Variants in SCPEP1 observed in about 807,000 individuals in gnomAD.
The protein encoded by SCPEP1 is retinoid-inducible serine carboxypeptidase.
Under a neutral mutation model 63.8 loss-of-function variants are expected in SCPEP1, and 51 were observed. The observed-to-expected ratio is 0.80, with a 90% CI of 0.64 to 1.01. SCPEP1 has a LOEUF of 1.01. SCPEP1 is among the 50% of genes least tolerant of loss of function. The probability of loss-of-function intolerance (pLI) is 0.00; values close to 1 mark genes in which losing one functional copy is unlikely to be tolerated. For missense variants in SCPEP1, 499 were observed against 554.9 expected (o/e 0.90, Z 1.01); for synonymous variants, 204 against 207.8 (o/e 0.98, Z 0.16).
chr17:56,989,675 G>C (rs542789173), intron 5 of SCPEP1, among the ~76,000 whole-genome samples: 3 of 152,074 alleles, frequency 2.0e-5, no homozygotes, highest in Non-Finnish European at 2.9e-5. Flanking sequence ...AGGCGGGCGC[G>C]GTGGCTCATG....
chr17:56,978,283 C>T (rs1435368505), intron 1 of SCPEP1, 48 bp downstream of exon 1: 2 of 1,496,042 alleles, frequency 1.3e-6, no homozygotes, highest in Non-Finnish European at 1.8e-6. Context: ...CTTTTTTCTC[C>T]AGGCGTGAGA....
intron 5 of SCPEP1, 49 bp from the exon 6 acceptor site, chr17:56,991,050 C>G (rs192411617): frequency 2.2e-6 from 3 of 1,342,730 alleles, no homozygotes; most frequent in Non-Finnish European, 3.2e-6. Context: ...GGGATTACTG[C>G]GTGAGCCACT....
chr17:56,998,728 A>G (rs1285115783), intron 10 of SCPEP1, among the ~76,000 whole-genome samples: 2 of 152,120 alleles, frequency 1.3e-5, no homozygotes, highest in Non-Finnish European at 2.9e-5. Flanking sequence ...ACTGTGGGAG[A>G]CTGAGTTGAG....
chr17:56,994,269 A>G (rs1336098447), intron 6 of SCPEP1, among the ~76,000 whole-genome samples: 1 of 152,208 alleles, frequency 6.6e-6, no homozygotes, highest in Non-Finnish European at 1.5e-5. Flanking sequence ...GTGCTTTATA[A>G]GTTGAGGTCC....
chr17:56,987,994 C>T (rs193214097), intron 4 of SCPEP1, 144 bp downstream of exon 4: 12 of 994,850 alleles, frequency 1.2e-5, no homozygotes, highest in Admixed American at 2.9e-5. Context: ...GGGTTGTGGA[C>T]TTTTGTTTCT....
intron 12 of SCPEP1, among the ~76,000 whole-genome samples, chr17:57,004,431 G>A (rs997242625): frequency 4.5e-4 from 68 of 152,260 alleles, no homozygotes; most frequent in Middle Eastern, 3.4e-3. Flanking sequence ...GAGGGAGAGG[G>A]CATTATTTAT....
intron 12 of SCPEP1, among the ~76,000 whole-genome samples, chr17:57,004,511 C>A (rs1319076084): frequency 6.6e-6 from 1 of 152,152 alleles, no homozygotes; most frequent in Non-Finnish European, 1.5e-5. Flanking sequence ...AGAGCAAGCA[C>A]TGTTACAGGT....
intron 6 of SCPEP1, among the ~76,000 whole-genome samples, chr17:56,992,499 G>T (rs1194794654): frequency 1.3e-5 from 2 of 152,132 alleles, no homozygotes; most frequent in Admixed American, 1.3e-4. Context: ...GCAACCCAGA[G>T]GTGTGCTGTT....
intron 1 of SCPEP1, among the ~76,000 whole-genome samples, chr17:56,979,477 T>C (rs142229195): frequency 0.016 from 2,464 of 152,174 alleles, 37 homozygotes; most frequent in Non-Finnish European, 0.019. Flanking sequence ...TCTACTTTTT[T>C]TTTTCCCAGA....
chr17:57,000,118 C>G (rs1172994644), intron 10 of SCPEP1, among the ~76,000 whole-genome samples: 1 of 151,976 alleles, frequency 6.6e-6, no homozygotes, highest in African/African-American at 2.4e-5. Flanking sequence ...CCCCCGCTCT[C>G]CAGCCTGGGT....
At position 56,999,197 on chromosome 17, in the gene SCPEP1, G is replaced by T. The variant is rs111485262; in HGVS notation, c.994+699G>T. Among the ~76,000 whole-genome samples the T allele has an allele frequency of 1.4e-3, 210 of 152,222 alleles. 1 individual carries two copies. The highest frequency in any genetic ancestry group is 4.8e-3 in the African/African-American group (200 of 41,516). ...GTTGCAGATGAGATTTCGCGCCAAA[G>T]GTCCTTGCAGGATGTCAGAGACACC... On this transcript the variant is annotated intron_variant, in intron 10 of 12. Coordinates refer to ENST00000262288, the MANE Select transcript of SCPEP1 (RefSeq NM_021626.3).
rs775715539 is a variant in SCPEP1, at chr17:57,000,879, A to C, written c.1019A>C (p.Asn340Thr). 1 of 1,614,208 alleles carries C rather than the reference A, an allele frequency of 6.2e-7. No individual in the cohort carries two copies. Among genetic ancestry groups the C allele is most frequent in the East Asian group, 2.2e-5 (1 of 44,894 alleles). Residue 340 changes from asparagine (N) to threonine (T), a missense_variant, in exon 11 of 13, where the codon AAC becomes ACC. Transcript: ENST00000262288. Reference protein sequence around the residue: ...WGGQATNVFVNMEEDFMKPVI... With the variant: ...WGGQATNVFVTMEEDFMKPVI... ...GGCCAGGCTACCAACGTCTTTGTGA[A>C]CATGGAGGAGGACTTCATGAAGCCA...
chr17:56,995,417 C>T lies in SCPEP1; in HGVS notation c.658-90C>T, dbSNP rs943021550. ...GTGAGCTCCCGTTCTCCTTCCTTCC[C>T]CTCTTTCTCCTACCCCTCCCTAACT... On this transcript the variant is annotated intron_variant, in intron 7 of 12. Coordinates refer to ENST00000262288, the MANE Select transcript of SCPEP1 (RefSeq NM_021626.3). The T allele has an allele frequency of 8.6e-6, 12 of 1,396,180 alleles. No individual in the cohort carries two copies. The African/African-American group carries it at 1.4e-4, about 17-fold the overall frequency. The allele number at this position is 1,396,180 out of a possible 1,614,324, so 86.5% of individuals were successfully genotyped here.
rs1370817628 is a variant in SCPEP1 at position 57,002,050 on chromosome 17, C to T, written c.1165C>T (p.Pro389Ser). 4 of 1,614,022 alleles carry T rather than the reference C, an allele frequency of 2.5e-6. No homozygotes were observed. Among genetic ancestry groups the T allele is most frequent in the Non-Finnish European group, 3.4e-6 (4 of 1,180,010 alleles). The change falls in exon 12 of 13, where the codon CCA (proline) becomes TCA (serine). Residue 389 changes from proline to serine, a missense_variant. Transcript: ENST00000262288. ...GGCCTGGGTGCGGAAACTGAAGTGGCCAGAACTGCCTAAATTCAGTCAGCT... is the reference window on the plus strand; with the variant it reads ...GGCCTGGGTGCGGAAACTGAAGTGGTCAGAACTGCCTAAATTCAGTCAGCT... ...QEAWVRKLKW[P>S]ELPKFSQLKW...
At chr17:56,980,106 T>G (rs1263307181) in intron 1 of SCPEP1, among the ~76,000 whole-genome samples, 1 of 152,076 alleles carries the variant, frequency 6.6e-6, no homozygotes, top group African/African-American at 2.4e-5. Context: ...TTTTTGTTTG[T>G]TTGGTTGGTT....
intron 2 of SCPEP1, chr17:56,984,760 C>A: frequency 6.5e-6 from 1 of 155,024 alleles, no homozygotes; most frequent in Non-Finnish European, 1.4e-5. Context: ...GTTAGAGCTC[C>A]TTCAGGTCAG....
In SCPEP1 at chr17:57,005,307, C is replaced by T. The variant is rs147492732; in HGVS notation, c.1297-866C>T. ...GAAGGCATGGAACAAGCCAACCACG[C>T]GCTCTGTATACTAGAGTTCAGGCCC... is the stretch of plus-strand genomic sequence containing the variant. On this transcript the variant is annotated intron_variant, in intron 12 of 12. Coordinates refer to ENST00000262288, the MANE Select transcript of SCPEP1 (RefSeq NM_021626.3). 6.6e-5 allele frequency among the ~76,000 whole-genome samples: 10 copies of T among 152,286 alleles called. No individual in the cohort carries two copies. The East Asian group carries it at 9.6e-4, about 15-fold the overall frequency.
At chr17:56,995,486 T>G in intron 7 of SCPEP1, 21 bp from the exon 8 acceptor site, 1 of 1,606,306 alleles carries the variant, frequency 6.2e-7, no homozygotes, top group South Asian at 1.1e-5. Flanking sequence ...TGGGTCTTTT[T>G]GCTCTTGGTT....
intron 6 of SCPEP1, among the ~76,000 whole-genome samples, chr17:56,994,331 C>T (rs1282249917): frequency 6.6e-6 from 1 of 152,206 alleles, no homozygotes; most frequent in Non-Finnish European, 1.5e-5. Flanking sequence ...CCTAGTGATA[C>T]AGTATTTAAT....
Sources: gnomAD v4.1 joint callset for allele counts (sites outside exome capture counted in the v4.1 genomes callset) on GRCh38, gnomAD v4.1.1 for gene constraint, MANE v1.5 for transcripts, NCBI Gene and HGNC (gene_info 2026-07-23, HGNC 2026-07-21) for gene names.